The following TBC1D14 variants were observed in gnomAD, a reference collection of about 807,000 sequenced individuals.
TBC1D14 encodes TBC1 domain family member 14, also known as TBC1 domain family, member 14.
Under a neutral mutation model 79.0 loss-of-function variants are expected in TBC1D14, and 26 were observed. The observed-to-expected ratio is 0.33, with a 90% CI of 0.24 to 0.46. The LOEUF (loss-of-function observed/expected upper bound fraction) is 0.46, where lower values mean the gene tolerates loss of function less well. Ranked by LOEUF, TBC1D14 falls within the 20% of genes least tolerant of loss-of-function variation. The pLI is 1.00. For synonymous variants in TBC1D14, 394 were observed against 349.9 expected (o/e 1.13, Z -1.40); for missense variants, 769 against 887.6 (o/e 0.87, Z 1.70).
At position 6,919,222 on chromosome 4, in the gene TBC1D14, C is replaced by T. The variant is rs148930751; in HGVS notation, c.-17-4151C>T. 4.9e-3 allele frequency among the ~76,000 whole-genome samples: 739 copies of T among 152,024 alleles called. 8 individuals are homozygous for T. The highest frequency in any genetic ancestry group is 0.015 in the African/African-American group (620 of 41,440). On this transcript the variant is annotated intron_variant, in intron 1 of 13. Coordinates refer to ENST00000409757, the MANE Select transcript of TBC1D14 (RefSeq NM_020773.3). ...AGTGCAGTGGCATCATTTCAGCTCA[C>T]TGCAACCTCCACCTCCCGGGTTCAA...
At chr4:7,018,072 CACTGAGGCCCATGG>C (rs1721453102) in intron 12 of TBC1D14, among the ~76,000 whole-genome samples, 1 of 152,134 alleles carries the variant, frequency 6.6e-6, no homozygotes, top group South Asian at 2.1e-4. Context: ...CAGAAGAAGT[CACTGAGGCCCATGG>C]TGTGAGGTCC....
intron 11 of TBC1D14, among the ~76,000 whole-genome samples, chr4:7,013,546 C>T (rs1720978202): frequency 6.6e-6 from 1 of 152,176 alleles, no homozygotes; most frequent in Non-Finnish European, 1.5e-5. Context: ...AAAAACCGTC[C>T]ACCGTTGGAA....
At chr4:6,944,980 C>T (rs1713290509) in intron 2 of TBC1D14, among the ~76,000 whole-genome samples, 1 of 152,222 alleles carries the variant, frequency 6.6e-6, no homozygotes, top group African/African-American at 2.4e-5. Context: ...CAGTCATCCC[C>T]AATCCCCAGC....
At chr4:7,014,404 C>G (rs750755241) in intron 11 of TBC1D14, 44 bp from the exon 12 acceptor site, 10 of 1,352,960 alleles carry the variant, frequency 7.4e-6, no homozygotes, top group Non-Finnish European at 1.0e-5. Context: ...AAATTGAAAA[C>G]TTGTGCAGAT....
chr4:7,028,599 GT>G (rs1722710293), intron 13 of TBC1D14, among the ~76,000 whole-genome samples: 2 of 152,038 alleles, frequency 1.3e-5, no homozygotes, highest in Non-Finnish European at 2.9e-5. Flanking sequence ...GCTAATTTTT[GT>G]ATTTTTAGTA....
chr4:7,028,814 A>G (rs1722742798), intron 13 of TBC1D14, among the ~76,000 whole-genome samples: 1 of 151,108 alleles, frequency 6.6e-6, no homozygotes, highest in Non-Finnish European at 1.5e-5. Flanking sequence ...AGGTTAAGAC[A>G]CTGGTGAGCT....
chr4:6,933,906 C>T (rs974955270), intron 2 of TBC1D14, among the ~76,000 whole-genome samples: 6 of 152,050 alleles, frequency 3.9e-5, no homozygotes, highest in Non-Finnish European at 7.4e-5. Flanking sequence ...TGGGTGGCAG[C>T]TGTAGGGAGG....
intron 9 of TBC1D14, among the ~76,000 whole-genome samples, chr4:7,008,710 C>T (rs1041062492): frequency 2.0e-5 from 3 of 152,184 alleles, no homozygotes; most frequent in Admixed American, 1.3e-4. Context: ...TGCGCCCAGC[C>T]GCATCATTGT....
At chr4:6,988,450 G>T (rs1303130345) in intron 3 of TBC1D14, among the ~76,000 whole-genome samples, 1 of 152,202 alleles carries the variant, frequency 6.6e-6, no homozygotes, top group Non-Finnish European at 1.5e-5. Flanking sequence ...GGTGGTGCTG[G>T]CTCAGACCAG....
intron 1 of TBC1D14, among the ~76,000 whole-genome samples, chr4:6,911,090 T>C (rs1329909490): frequency 6.6e-6 from 1 of 152,202 alleles, no homozygotes; most frequent in Non-Finnish European, 1.5e-5. Context: ...TACAGCAGTC[T>C]TAGAACACTT....
At chr4:6,953,450 T>G (rs1577078330) in intron 2 of TBC1D14, among the ~76,000 whole-genome samples, 1 of 63,962 alleles carries the variant, frequency 1.6e-5, no homozygotes, top group Admixed American at 1.6e-4. Flanking sequence ...TGAAACCCCG[T>G]CTCTACTAAA....
intron 2 of TBC1D14, among the ~76,000 whole-genome samples, chr4:6,964,474 T>G (rs1715526429): frequency 6.6e-6 from 1 of 152,224 alleles, no homozygotes; most frequent in African/African-American, 2.4e-5. Flanking sequence ...ATACCCTTAG[T>G]GAACCCAAGT....
chr4:6,963,339 C>G (rs1715411401), intron 2 of TBC1D14, among the ~76,000 whole-genome samples: 1 of 152,260 alleles, frequency 6.6e-6, no homozygotes, highest in Admixed American at 6.5e-5. Flanking sequence ...CCGGGCCACA[C>G]AGCCCATGAA....
chr4:6,920,002 A>G (rs757128890), intron 1 of TBC1D14, among the ~76,000 whole-genome samples: 3 of 143,134 alleles, frequency 2.1e-5, no homozygotes. Context: ...ACTGTCTTGA[A>G]CTCCTGGGCT....
At chr4:6,989,578 G>A (rs746137707) in intron 3 of TBC1D14, among the ~76,000 whole-genome samples, 3 of 152,040 alleles carry the variant, frequency 2.0e-5, no homozygotes, top group East Asian at 1.9e-4. Flanking sequence ...CACATCTCAC[G>A]GTCTCACCTG....
chr4:6,999,876 G>C (rs1472349584), intron 6 of TBC1D14, among the ~76,000 whole-genome samples: 2 of 152,166 alleles, frequency 1.3e-5, no homozygotes, highest in East Asian at 1.9e-4. Flanking sequence ...TCTGGCAGCT[G>C]CTGCCCTCTT....
chr4:6,977,091 A>C (rs1244265959), intron 3 of TBC1D14, among the ~76,000 whole-genome samples: 327 of 2,864 alleles, frequency 0.11, 3 homozygotes, highest in Non-Finnish European at 0.27. Context: ...CCCTCTCCCC[A>C]CTGTCTCCCT....
intron 2 of TBC1D14, among the ~76,000 whole-genome samples, chr4:6,945,397 AAAT>A (rs1026475304): frequency 1.8e-4 from 28 of 152,308 alleles, no homozygotes; most frequent in African/African-American, 6.7e-4. Flanking sequence ...AAAAAATCTG[AAAT>A]AATTCACTGT....
chr4:7,021,003 C>T (rs191737326), intron 12 of TBC1D14, among the ~76,000 whole-genome samples: 32 of 152,304 alleles, frequency 2.1e-4, no homozygotes, highest in Admixed American at 7.2e-4. Flanking sequence ...GTGTGCAGCC[C>T]GGGGCCCTGA....
Sources: allele counts gnomAD v4.1 joint callset (sites outside exome capture counted in the v4.1 genomes callset), GRCh38; gene constraint gnomAD v4.1.1; transcripts MANE v1.5; gene names NCBI Gene and HGNC (gene_info 2026-07-23, HGNC 2026-07-21).